The following MAN1A2 variants were observed in gnomAD, a reference collection of about 807,000 sequenced individuals.
MAN1A2 encodes mannosyl-oligosaccharide 1,2-alpha-mannosidase IB.
A neutral mutation model predicts 75.7 loss-of-function variants in MAN1A2; 26 were observed. The ratio of observed to expected loss-of-function variants is 0.34; its 90% CI spans 0.25 to 0.48. MAN1A2 has a LOEUF of 0.48. Ranked by LOEUF, MAN1A2 falls within the 20% of genes least tolerant of loss-of-function variation. MAN1A2 has a pLI of 0.99. For synonymous variants in MAN1A2, 247 were observed against 264.6 expected (o/e 0.93, Z 0.65); for missense variants, 562 against 775.5 (o/e 0.72, Z 3.27).
At chr1:117,469,999 A>G (rs1456971571) in intron 8 of MAN1A2, among the ~76,000 whole-genome samples, 1 of 152,154 alleles carries the variant, frequency 6.6e-6, no homozygotes, top group African/African-American at 2.4e-5. Context: ...ACAGAGACTC[A>G]AACAGATACT....
intron 1 of MAN1A2, among the ~76,000 whole-genome samples, chr1:117,386,407 AT>A (rs1389977582): frequency 6.6e-6 from 1 of 152,096 alleles, no homozygotes; most frequent in African/African-American, 2.4e-5. Flanking sequence ...TGAGGGCACT[AT>A]TGCATTTAAT....
intron 9 of MAN1A2, 45 bp downstream of exon 9, chr1:117,493,307 C>T: frequency 8.0e-7 from 1 of 1,253,760 alleles, no homozygotes; most frequent in Non-Finnish European, 1.2e-6. Context: ...ATTGAATGTA[C>T]AGTGTATTTT....
chr1:117,451,857 G>A (rs1467593223), intron 6 of MAN1A2, among the ~76,000 whole-genome samples: 1 of 152,128 alleles, frequency 6.6e-6, no homozygotes, highest in African/African-American at 2.4e-5. Context: ...GCATGATGGT[G>A]CATGCCTGTA....
chr1:117,370,737 T>TTGTGTGTG (rs1557921922), intron 1 of MAN1A2, among the ~76,000 whole-genome samples: 1 of 43,882 alleles, frequency 2.3e-5, no homozygotes, highest in Non-Finnish European at 4.5e-5. Context: ...TATCTTCATT[T>TTGTGTGTG]AGTGTGTGTG....
At chr1:117,462,705 G>A (rs1020241946) in intron 7 of MAN1A2, among the ~76,000 whole-genome samples, 5 of 152,154 alleles carry the variant, frequency 3.3e-5, no homozygotes, top group African/African-American at 9.7e-5. Context: ...GGTTATAGCA[G>A]CTGAGCTTGT....
intron 12 of MAN1A2, among the ~76,000 whole-genome samples, chr1:117,508,538 T>C (rs750610506): frequency 1.3e-5 from 2 of 151,596 alleles, no homozygotes; most frequent in African/African-American, 4.8e-5. Context: ...TATATTCTTA[T>C]ATATACTTAT....
chr1:117,498,775 A>G (rs1165657776), intron 10 of MAN1A2, among the ~76,000 whole-genome samples: 2 of 151,844 alleles, frequency 1.3e-5, no homozygotes, highest in Admixed American at 6.6e-5. Context: ...AGTTTTGCTA[A>G]CTTTCCAGCA....
chr1:117,508,005 C>T (rs1254852263), intron 12 of MAN1A2, among the ~76,000 whole-genome samples: 1 of 151,612 alleles, frequency 6.6e-6, no homozygotes, highest in East Asian at 1.9e-4. Context: ...ACTTGAATTG[C>T]TGAATGAATA....
intron 8 of MAN1A2, among the ~76,000 whole-genome samples, chr1:117,491,302 C>G (rs1650876723): frequency 6.6e-6 from 1 of 152,014 alleles, no homozygotes. Context: ...AATTTGAAGT[C>G]AGTGCTCATT....
Position 117,417,706 on chromosome 1 carries a change from A to ACTCTCT in MAN1A2, c.775-2841_775-2836dup, listed in dbSNP as rs772502807. 2.6e-3 allele frequency among the ~76,000 whole-genome samples: 369 copies of ACTCTCT among 143,592 alleles called. 1 individual carries two copies. The highest frequency in any genetic ancestry group is 9.0e-3 in the African/African-American group (353 of 39,008). The allele number at this position is 143,592 out of a possible 152,430, so 94.2% of individuals were successfully genotyped here. A position where few individuals can be genotyped will look rare whatever the true frequency, so the allele number is the denominator to read the frequency against. On this transcript the variant is annotated intron_variant, in intron 4 of 12. Coordinates refer to ENST00000356554, the MANE Select transcript of MAN1A2 (RefSeq NM_006699.5). ...AGTAGGCGTGCACACACACACACAC[A>ACTCTCT]CTCTCTCTCTCTCTCTCTCTCTCTC...
chr1:117,489,094 C>G (rs1239013327), intron 8 of MAN1A2, among the ~76,000 whole-genome samples: 2 of 152,046 alleles, frequency 1.3e-5, no homozygotes, highest in African/African-American at 4.8e-5. Context: ...CACCCTGATT[C>G]TCTTTAATGA....
At chr1:117,434,474 G>C (rs956079273) in intron 5 of MAN1A2, among the ~76,000 whole-genome samples, 2 of 152,026 alleles carry the variant, frequency 1.3e-5, no homozygotes, top group Non-Finnish European at 2.9e-5. Context: ...CTGACCCAGC[G>C]ACCCACTTCT....
At chr1:117,479,755 A>G (rs757312218) in intron 8 of MAN1A2, among the ~76,000 whole-genome samples, 2 of 151,444 alleles carry the variant, frequency 1.3e-5, no homozygotes, top group Non-Finnish European at 2.9e-5. Flanking sequence ...TTTTGATTCA[A>G]TCCTTATTCT....
intron 12 of MAN1A2, 121 bp downstream of exon 12, chr1:117,503,091 G>A (rs1381541344): frequency 1.1e-5 from 6 of 529,036 alleles, no homozygotes; most frequent in Non-Finnish European, 2.0e-5. Flanking sequence ...ATCTTTTTAT[G>A]TAATTGGGTG....
chr1:117,504,886 A>G (rs763379133), intron 12 of MAN1A2, among the ~76,000 whole-genome samples: 1 of 151,552 alleles, frequency 6.6e-6, no homozygotes, highest in Non-Finnish European at 1.5e-5. Flanking sequence ...CATGAACATT[A>G]TATGGATCTG....
At chr1:117,423,942 G>A (rs990340453) in intron 5 of MAN1A2, among the ~76,000 whole-genome samples, 1 of 150,604 alleles carries the variant, frequency 6.6e-6, no homozygotes, top group African/African-American at 2.4e-5. Context: ...GAGTGCAATG[G>A]CGCGATCACA....
intron 6 of MAN1A2, among the ~76,000 whole-genome samples, chr1:117,458,514 TATATA>T (rs1649693678): frequency 1.0e-5 from 1 of 98,930 alleles, no homozygotes; most frequent in African/African-American, 4.7e-5. Context: ...TATATATAGA[TATATA>T]TATATTTTTT....
intron 12 of MAN1A2, among the ~76,000 whole-genome samples, chr1:117,503,568 G>T (rs1332752451): frequency 6.6e-6 from 1 of 151,576 alleles, no homozygotes; most frequent in Non-Finnish European, 1.5e-5. Context: ...GGAAGAGATG[G>T]AGATTGTAAA....
At chr1:117,420,826 C>T (rs1017496994) in intron 5 of MAN1A2, among the ~76,000 whole-genome samples, 177 bp downstream of exon 5, 19 of 151,950 alleles carry the variant, frequency 1.3e-4, no homozygotes, top group African/African-American at 4.1e-4. Flanking sequence ...CATTTTGAGG[C>T]TCTCAATAAA....
Sources: allele counts gnomAD v4.1 joint callset (sites outside exome capture counted in the v4.1 genomes callset), GRCh38; gene constraint gnomAD v4.1.1; transcripts MANE v1.5; gene names NCBI Gene and HGNC (gene_info 2026-07-23, HGNC 2026-07-21).